CDH13: variants seen among roughly 807,000 people sequenced by gnomAD.
CDH13 encodes cadherin 13, also known as cadherin-13.
In CDH13, 24 loss-of-function variants were observed where a neutral mutation model predicts 63.8. The observed-to-expected ratio is 0.38, with a 90% CI of 0.27 to 0.53. The LOEUF (loss-of-function observed/expected upper bound fraction) is 0.53, where lower values mean the gene tolerates loss of function less well. Among genes scored for constraint, CDH13 ranks in the 20% least tolerant of loss-of-function variants. The pLI is 0.85. For missense variants in CDH13, 1,049 were observed against 903.1 expected (o/e 1.16, Z -2.07); for synonymous variants, 503 against 355.3 (o/e 1.42, Z -4.67).
At chr16:82,882,451 G>GT (rs1456150745) in intron 2 of CDH13, among the ~76,000 whole-genome samples, 1 of 152,178 alleles carries the variant, frequency 6.6e-6, no homozygotes, top group African/African-American at 2.4e-5. Flanking sequence ...GTACACATGC[G>GT]TATCAGGCAG....
At chr16:82,653,811 G>A (rs1911000500) in intron 1 of CDH13, among the ~76,000 whole-genome samples, 1 of 152,304 alleles carries the variant, frequency 6.6e-6, no homozygotes, top group East Asian at 1.9e-4. Context: ...CTGCACCGGG[G>A]CGCAGGATGG....
chr16:83,459,073 G>A (rs933984747), intron 6 of CDH13, among the ~76,000 whole-genome samples: 1 of 152,172 alleles, frequency 6.6e-6, no homozygotes, highest in Non-Finnish European at 1.5e-5. Context: ...AACCAAGATG[G>A]CCAACAGCAC....
At chr16:83,428,744 G>C (rs189944852) in intron 6 of CDH13, among the ~76,000 whole-genome samples, 1 of 152,136 alleles carries the variant, frequency 6.6e-6, no homozygotes, top group Admixed American at 6.5e-5. Flanking sequence ...GTTCCTTTGG[G>C]GAATAAGCTA....
At chr16:83,024,101 G>C (rs1358833958) in intron 2 of CDH13, among the ~76,000 whole-genome samples, 2 of 152,098 alleles carry the variant, frequency 1.3e-5, no homozygotes, top group Non-Finnish European at 2.9e-5. Flanking sequence ...GAGTAGAGTG[G>C]ATGCAGGCAT....
At chr16:83,297,539 C>G (rs1393547530) in intron 5 of CDH13, among the ~76,000 whole-genome samples, 1 of 152,086 alleles carries the variant, frequency 6.6e-6, no homozygotes, top group Admixed American at 6.5e-5. Flanking sequence ...ACTCTTGTTT[C>G]TCACTGAACA....
chr16:83,298,149 G>A (rs556397115), intron 5 of CDH13, among the ~76,000 whole-genome samples: 38 of 152,002 alleles, frequency 2.5e-4, no homozygotes, highest in African/African-American at 8.9e-4. Context: ...AGGCTGAGGC[G>A]GGAGGAAAGC....
intron 12 of CDH13, among the ~76,000 whole-genome samples, chr16:83,781,964 C>T (rs373075086): frequency 1.3e-5 from 2 of 151,784 alleles, no homozygotes; most frequent in African/African-American, 4.8e-5. Context: ...AAGATTGTAT[C>T]CTCTACTAAA....
rs1449697482 is a variant in CDH13 at position 83,554,782 on chromosome 16, C to T, written c.961-47672C>T. Among the ~76,000 whole-genome samples the T allele has an allele frequency of 6.8e-4, 103 of 152,176 alleles. 2 individuals carry two copies. Among genetic ancestry groups the T allele is most frequent in the Non-Finnish European group, 5.4e-4 (37 of 68,032 alleles). ...CCTTATTATTGATCTTTGTAGCCAG[C>T]AATAACTACTTCAAAGCCATTATGT... On this transcript the variant is annotated intron_variant, in intron 7 of 13. Transcript: ENST00000567109.
chr16:82,659,914 A>T (rs924256738), intron 1 of CDH13, among the ~76,000 whole-genome samples: 2 of 152,146 alleles, frequency 1.3e-5, no homozygotes, highest in Non-Finnish European at 2.9e-5. Flanking sequence ...ATGTCTCCAG[A>T]CATTGTCAAG....
intron 6 of CDH13, among the ~76,000 whole-genome samples, chr16:83,412,130 T>C (rs1410345426): frequency 1.3e-5 from 2 of 152,244 alleles, no homozygotes; most frequent in South Asian, 2.1e-4. Context: ...AATGCACCTA[T>C]GCATGTGGAA....
At chr16:82,688,718 TA>T (rs1412804055) in intron 1 of CDH13, among the ~76,000 whole-genome samples, 2 of 152,212 alleles carry the variant, frequency 1.3e-5, no homozygotes, top group Admixed American at 1.3e-4. Context: ...TACCTTCATT[TA>T]AAAAATATAT....
intron 5 of CDH13, among the ~76,000 whole-genome samples, chr16:83,256,561 GT>G (rs1347005913): frequency 1.3e-5 from 2 of 151,708 alleles, no homozygotes; most frequent in African/African-American, 4.8e-5. Context: ...GCCAGGCACG[GT>G]GGCTCACGCC....
chr16:82,844,729 T>G (rs1301748945), intron 1 of CDH13: 1 of 136,284 alleles, frequency 7.3e-6, no homozygotes, highest in Non-Finnish European at 1.5e-5. Flanking sequence ...AAGCTCCGCC[T>G]CCCGGGTTCA....
chr16:83,341,995 A>ACC (rs2090735234), intron 5 of CDH13, among the ~76,000 whole-genome samples: 1 of 132,486 alleles, frequency 7.5e-6, no homozygotes, highest in Non-Finnish European at 1.6e-5. Context: ...CCTGCCACAC[A>ACC]CACACACACA....
chr16:82,705,819 A>G (rs548727983), intron 1 of CDH13, among the ~76,000 whole-genome samples: 21 of 152,304 alleles, frequency 1.4e-4, no homozygotes, highest in South Asian at 8.3e-4. Context: ...TGATCCTGCA[A>G]TGTATCACGC....
At chr16:82,789,238 T>C (rs1230909901) in intron 1 of CDH13, among the ~76,000 whole-genome samples, 1 of 152,184 alleles carries the variant, frequency 6.6e-6, no homozygotes, top group Non-Finnish European at 1.5e-5. Context: ...ACTAGAGAAG[T>C]CACGAAGAGT....
intron 1 of CDH13, among the ~76,000 whole-genome samples, chr16:82,792,341 C>G (rs767310260): frequency 1.3e-5 from 2 of 152,168 alleles, no homozygotes; most frequent in Admixed American, 1.3e-4. Flanking sequence ...AAAAAACACA[C>G]TAGCCTACTA....
At chr16:83,453,654 A>C (rs1224498853) in intron 6 of CDH13, among the ~76,000 whole-genome samples, 2 of 152,126 alleles carry the variant, frequency 1.3e-5, no homozygotes, top group African/African-American at 4.8e-5. Context: ...GGGTTCTCAG[A>C]TCCTTGCATG....
intron 2 of CDH13, among the ~76,000 whole-genome samples, chr16:82,871,932 C>G (rs964890121): frequency 1.3e-5 from 2 of 152,194 alleles, no homozygotes; most frequent in African/African-American, 2.4e-5. Context: ...CAGCAAATAT[C>G]TCAAGGCTGA....
Sources: allele counts gnomAD v4.1 joint callset (sites outside exome capture counted in the v4.1 genomes callset), GRCh38; gene constraint gnomAD v4.1.1; transcripts MANE v1.5; gene names NCBI Gene and HGNC (gene_info 2026-07-23, HGNC 2026-07-21).